Variants in ESRRG observed in about 807,000 individuals in gnomAD.
ESRRG encodes the protein estrogen-related receptor gamma.
ESRRG carries 13 observed loss-of-function variants against 44.0 expected under a neutral mutation model. That is an observed-to-expected ratio of 0.30 (90% CI 0.19 to 0.47). The LOEUF is 0.47. Among genes scored for constraint, ESRRG ranks in the 20% least tolerant of loss-of-function variants. The pLI, the probability that ESRRG is intolerant of heterozygous loss-of-function variation, is 1.00. For missense variants in ESRRG, 395 were observed against 580.6 expected, an observed-to-expected ratio of 0.68 and a Z score of 3.29; for synonymous variants, 215 against 214.6, an observed-to-expected ratio of 1.00 and a Z score of -0.02.
chr1:216,797,012 C>A (rs1015300625), intron 2 of ESRRG, among the ~76,000 whole-genome samples: 2 of 152,102 alleles, frequency 1.3e-5, no homozygotes, highest in Non-Finnish European at 2.9e-5. Context: ...CTCCCTCAGC[C>A]TCCCGAGTAG....
chr1:217,054,293 G>A (rs76854120), intron 1 of ESRRG, among the ~76,000 whole-genome samples: 2 of 152,008 alleles, frequency 1.3e-5, no homozygotes, highest in Non-Finnish European at 2.9e-5. Flanking sequence ...AGGTCATACT[G>A]GGGGGGAGCA....
intron 3 of ESRRG, among the ~76,000 whole-genome samples, chr1:216,609,971 C>G (rs561725510): frequency 1.7e-4 from 26 of 152,238 alleles, no homozygotes; most frequent in African/African-American, 6.0e-4. Flanking sequence ...TGGCATTTAT[C>G]ACCTCTCAAG....
chr1:217,109,635 C>T (rs980164156), intron 1 of ESRRG, among the ~76,000 whole-genome samples: 7 of 152,172 alleles, frequency 4.6e-5, no homozygotes, highest in Admixed American at 4.6e-4. Context: ...CCATAAAATG[C>T]ACTCCTGCCA....
intron 3 of ESRRG, among the ~76,000 whole-genome samples, chr1:216,623,151 C>A (rs2062581878): frequency 7.7e-6 from 1 of 130,544 alleles, no homozygotes; most frequent in East Asian, 2.3e-4. Context: ...GCCGCGATCT[C>A]GGCTCACTGC....
intron 1 of ESRRG, among the ~76,000 whole-genome samples, chr1:217,084,749 A>G (rs2091974745): frequency 1.3e-5 from 2 of 152,210 alleles, no homozygotes; most frequent in South Asian, 4.1e-4. Context: ...CAGATACACC[A>G]TAAGAAACAG....
At chr1:216,837,529 G>A (rs995807508) in intron 2 of ESRRG, among the ~76,000 whole-genome samples, 2 of 152,198 alleles carry the variant, frequency 1.3e-5, no homozygotes, top group African/African-American at 4.8e-5. Flanking sequence ...GAAGACGGGA[G>A]TCACTGATTT....
chr1:216,668,009 A>G (rs890866214), intron 2 of ESRRG, among the ~76,000 whole-genome samples: 4 of 151,390 alleles, frequency 2.6e-5, no homozygotes, highest in Non-Finnish European at 5.9e-5. Context: ...AGGCAGAAGA[A>G]TCGCTTGAAC....
chr1:216,532,990 G>A lies in ESRRG; in HGVS notation c.863-13569C>T, dbSNP rs531035613. 2.6e-5 allele frequency among the ~76,000 whole-genome samples: 4 copies of A among 152,210 alleles called. No individual in the cohort carries two copies. In the East Asian group the frequency reaches 7.7e-4, roughly 29 times the overall value. Reference sequence around the variant, plus strand: ...TTTCTTACCGAGTACATGGATGAAAGCTCGGGATACAGCTTAGAATAATTA... The same window carrying A: ...TTTCTTACCGAGTACATGGATGAAAACTCGGGATACAGCTTAGAATAATTA... On this transcript the variant is annotated intron_variant, in intron 5 of 6. Transcript: ENST00000408911.
intron 1 of ESRRG, among the ~76,000 whole-genome samples, chr1:216,967,467 CAT>C (rs1257761504): frequency 6.6e-6 from 1 of 152,138 alleles, no homozygotes. Flanking sequence ...TCTAGAAAGA[CAT>C]ATAGTTTAAA....
chr1:216,894,236 G>A (rs2058151707), intron 2 of ESRRG, among the ~76,000 whole-genome samples: 1 of 152,088 alleles, frequency 6.6e-6, no homozygotes. Context: ...CTATGACCTG[G>A]TAGTGAATTT....
chr1:216,814,150 A>C (rs2095062197), intron 2 of ESRRG, among the ~76,000 whole-genome samples: 1 of 151,814 alleles, frequency 6.6e-6, no homozygotes, highest in Non-Finnish European at 1.5e-5. Context: ...TCTCCCCACC[A>C]CAATGCTATT....
At chr1:216,633,507 A>G (rs1355054529) in intron 3 of ESRRG, among the ~76,000 whole-genome samples, 3 of 152,224 alleles carry the variant, frequency 2.0e-5, no homozygotes, top group Non-Finnish European at 2.9e-5. Flanking sequence ...CCTCTTACAT[A>G]CATAGATATT....
intron 2 of ESRRG, among the ~76,000 whole-genome samples, chr1:216,798,288 A>G (rs1037940917): frequency 5.3e-5 from 8 of 152,134 alleles, no homozygotes; most frequent in African/African-American, 1.9e-4. Flanking sequence ...GTGCCATCCA[A>G]TTTAGCTAGG....
chr1:216,552,683 T>C (rs2056670610), intron 5 of ESRRG, among the ~76,000 whole-genome samples: 1 of 152,106 alleles, frequency 6.6e-6, no homozygotes, highest in African/African-American at 2.4e-5. Context: ...CTGACTACAA[T>C]ATGGTGCCTC....
intron 6 of ESRRG, among the ~76,000 whole-genome samples, chr1:216,516,747 T>C (rs1046432724): frequency 6.6e-6 from 1 of 151,976 alleles, no homozygotes; most frequent in Admixed American, 6.6e-5. Flanking sequence ...TATACTGATA[T>C]GTGTATGGGC....
chr1:217,038,838 T>C (rs1349651539), intron 1 of ESRRG, among the ~76,000 whole-genome samples: 1 of 152,264 alleles, frequency 6.6e-6, no homozygotes, highest in Non-Finnish European at 1.5e-5. Flanking sequence ...TTTTCCTTTC[T>C]ATCACATTGT....
At chr1:216,949,941 T>C (rs968740683) in intron 1 of ESRRG, among the ~76,000 whole-genome samples, 4 of 152,114 alleles carry the variant, frequency 2.6e-5, no homozygotes, top group Admixed American at 2.6e-4. Context: ...GCCTCCCAAG[T>C]AGCTGGGATT....
chr1:217,116,709 G>A (rs1214684698), intron 1 of ESRRG, among the ~76,000 whole-genome samples: 1 of 152,196 alleles, frequency 6.6e-6, no homozygotes, highest in African/African-American at 2.4e-5. Flanking sequence ...TGTGGGCAAA[G>A]TTTGGGCTCT....
At chr1:216,978,694 A>G (rs922801004) in intron 1 of ESRRG, among the ~76,000 whole-genome samples, 1 of 152,172 alleles carries the variant, frequency 6.6e-6, no homozygotes, top group African/African-American at 2.4e-5. Context: ...GAGCAGAAAG[A>G]GCCATCTCTA....
Sources: gnomAD v4.1 joint callset for allele counts (sites outside exome capture counted in the v4.1 genomes callset) on GRCh38, gnomAD v4.1.1 for gene constraint, MANE v1.5 for transcripts, NCBI Gene and HGNC (gene_info 2026-07-23, HGNC 2026-07-21) for gene names.